Variants in DLGAP2 observed in about 807,000 individuals in gnomAD.
DLGAP2 encodes the protein DLG associated protein 2.
Under a neutral mutation model 100.3 loss-of-function variants are expected in DLGAP2, and 26 were observed. The observed-to-expected ratio is 0.26, with a 90% CI of 0.19 to 0.36. The LOEUF is 0.36. DLGAP2 is among the 10% of genes least tolerant of loss of function. The pLI is 1.00. For missense variants in DLGAP2, 1,858 were observed against 1,453.2 expected, an observed-to-expected ratio of 1.28 and a Z score of -4.53; for synonymous variants, 886 against 630.1, an observed-to-expected ratio of 1.41 and a Z score of -6.08.
intron 1 of DLGAP2, among the ~76,000 whole-genome samples, chr8:805,982 T>A (rs1377898184): frequency 2.6e-5 from 4 of 152,258 alleles, no homozygotes; most frequent in Non-Finnish European, 2.9e-5. Context: ...GGGTTTCCCA[T>A]CTAGCCCTTC....
intron 2 of DLGAP2, among the ~76,000 whole-genome samples, chr8:1,147,110 A>G (rs1020110819): frequency 6.6e-6 from 1 of 152,196 alleles, no homozygotes; most frequent in Admixed American, 6.5e-5. Flanking sequence ...AGTCTTTCAA[A>G]TGCATTGACA....
intron 3 of DLGAP2, among the ~76,000 whole-genome samples, chr8:1,488,746 C>G (rs887272928): frequency 6.6e-6 from 1 of 152,176 alleles, no homozygotes; most frequent in Non-Finnish European, 1.5e-5. Flanking sequence ...GGCATGACGA[C>G]GTTTTATCTT....
intron 2 of DLGAP2, among the ~76,000 whole-genome samples, chr8:1,158,675 T>G (rs1178534854): frequency 6.6e-6 from 1 of 152,236 alleles, no homozygotes; most frequent in Non-Finnish European, 1.5e-5. Flanking sequence ...CTGTGTTTAG[T>G]GAGTGACGCC....
At chr8:946,214 A>G (rs1419549725) in intron 2 of DLGAP2, among the ~76,000 whole-genome samples, 1 of 149,826 alleles carries the variant, frequency 6.7e-6, no homozygotes, top group Non-Finnish European at 1.5e-5. Context: ...TGGGATGTGT[A>G]TTGGCATTTG....
At chr8:1,618,287 G>T (rs1055755418) in intron 6 of DLGAP2, among the ~76,000 whole-genome samples, 2 of 152,196 alleles carry the variant, frequency 1.3e-5, no homozygotes, top group Non-Finnish European at 2.9e-5. Flanking sequence ...AATGAAATAG[G>T]TAGAAATCAA....
rs1015923195 is a variant in DLGAP2 at position 1,350,056 on chromosome 8, G to A, written c.106+91173G>A. ...AATTGATGACTTTAATATAGAAACC[G>A]TTTCGATATTAAACCATTTATAAGG... On this transcript the variant is annotated intron_variant, in intron 3 of 14. Coordinates refer to ENST00000637795, the MANE Select transcript of DLGAP2 (RefSeq NM_001346810.2). 1.4e-4 allele frequency among the ~76,000 whole-genome samples: 22 copies of A among 152,150 alleles called. No homozygotes were observed. In the East Asian group the frequency reaches 1.9e-3, roughly 13 times the overall value.
At chr8:756,854 C>G (rs952653128) in intron 1 of DLGAP2, among the ~76,000 whole-genome samples, 1 of 152,170 alleles carries the variant, frequency 6.6e-6, no homozygotes, top group Non-Finnish European at 1.5e-5. Flanking sequence ...CCGGGATAAT[C>G]TTTCTGGAGC....
intron 8 of DLGAP2, among the ~76,000 whole-genome samples, chr8:1,654,174 C>T (rs894938942): frequency 5.3e-5 from 8 of 152,120 alleles, no homozygotes; most frequent in African/African-American, 1.7e-4. Flanking sequence ...TTAGGTGTCC[C>T]GTGTACGCAC....
Position 1,676,619 on chromosome 8 carries a change from G to GTAAC in DLGAP2, c.2288+3_2288+6dup. ...GGGTGCAAGTGGAAGATGAGAAGCGGTAACTCAGCCCCTCCTGACACGCGG... is the reference window on the plus strand; with the variant it reads ...GGGTGCAAGTGGAAGATGAGAAGCGGTAACTAACTCAGCCCCTCCTGACACGCGG... On this transcript the variant is annotated splice_donor_variant, in intron 11 of 14. Coordinates refer to ENST00000637795, the MANE Select transcript of DLGAP2 (RefSeq NM_001346810.2). LOFTEE classifies it high-confidence loss of function. 2 of 1,611,398 alleles carry GTAAC rather than the reference G, an allele frequency of 1.2e-6. No homozygotes were observed. The highest frequency in any genetic ancestry group is 1.7e-6 in the Non-Finnish European group (2 of 1,178,864).
intron 3 of DLGAP2, among the ~76,000 whole-genome samples, chr8:1,417,978 A>C (rs1341083744): frequency 6.6e-6 from 1 of 152,220 alleles, no homozygotes; most frequent in Admixed American, 6.5e-5. Flanking sequence ...AGAATTAAAT[A>C]TCTGAAATCA....
chr8:1,167,323 C>T (rs531871390), intron 2 of DLGAP2, among the ~76,000 whole-genome samples: 2 of 152,248 alleles, frequency 1.3e-5, no homozygotes, highest in Admixed American at 6.5e-5. Context: ...TTGGCTTTCT[C>T]GAGTCCAGTA....
intron 1 of DLGAP2, among the ~76,000 whole-genome samples, chr8:831,524 G>C (rs941506251): frequency 6.6e-6 from 1 of 152,108 alleles, no homozygotes; most frequent in Non-Finnish European, 1.5e-5. Context: ...CTTCATCCAT[G>C]TCCCTGCAAA....
At chr8:1,662,241 C>A (rs1798424659) in intron 8 of DLGAP2, among the ~76,000 whole-genome samples, 1 of 152,218 alleles carries the variant, frequency 6.6e-6, no homozygotes, top group African/African-American at 2.4e-5. Flanking sequence ...AATTGAAAGC[C>A]CATTTCATAT....
At chr8:1,446,933 C>G (rs926284902) in intron 3 of DLGAP2, among the ~76,000 whole-genome samples, 1 of 152,128 alleles carries the variant, frequency 6.6e-6, no homozygotes, top group African/African-American at 2.4e-5. Context: ...GATTTTTGTA[C>G]ATTGATTTTG....
At chr8:1,146,070 C>G (rs924071606) in intron 2 of DLGAP2, among the ~76,000 whole-genome samples, 2 of 152,076 alleles carry the variant, frequency 1.3e-5, no homozygotes, top group Admixed American at 6.5e-5. Flanking sequence ...CTAACACATC[C>G]CAGCAGACAC....
intron 2 of DLGAP2, among the ~76,000 whole-genome samples, chr8:1,063,521 C>CTTTTT (rs34456280): frequency 2.7e-5 from 3 of 111,374 alleles, no homozygotes; most frequent in Non-Finnish European, 1.9e-5. Context: ...AGTATACTGG[C>CTTTTT]TTTTTTTTTT....
chr8:1,362,049 A>G (rs1203037536), intron 3 of DLGAP2, among the ~76,000 whole-genome samples: 9 of 152,284 alleles, frequency 5.9e-5, no homozygotes, highest in Admixed American at 5.2e-4. Flanking sequence ...CTGGGGTTAA[A>G]GTTTAGGAGA....
At chr8:1,181,489 A>T (rs548063202) in intron 2 of DLGAP2, among the ~76,000 whole-genome samples, 1 of 152,028 alleles carries the variant, frequency 6.6e-6, no homozygotes, top group Non-Finnish European at 1.5e-5. Context: ...GTGGAGCTGA[A>T]TGAGGAGAAC....
At chr8:1,177,035 C>G (rs745381118) in intron 2 of DLGAP2, among the ~76,000 whole-genome samples, 11 of 152,134 alleles carry the variant, frequency 7.2e-5, no homozygotes, top group Admixed American at 7.2e-4. Context: ...TCGTTGATGT[C>G]GCATTAACAC....
Sources: gnomAD v4.1 joint callset for allele counts (sites outside exome capture counted in the v4.1 genomes callset) on GRCh38, gnomAD v4.1.1 for gene constraint, MANE v1.5 for transcripts, NCBI Gene and HGNC (gene_info 2026-07-23, HGNC 2026-07-21) for gene names.